SLC6A11: variants seen among roughly 807,000 people sequenced by gnomAD.
SLC6A11 encodes solute carrier family 6 member 11.
In SLC6A11, 25 loss-of-function variants were observed where a neutral mutation model predicts 74.8. The ratio of observed to expected loss-of-function variants is 0.33; its 90% confidence interval spans 0.24 to 0.47. SLC6A11 has a LOEUF of 0.47. Among genes scored for constraint, SLC6A11 ranks in the 20% least tolerant of loss-of-function variants. The probability of loss-of-function intolerance (pLI) is 1.00; values close to 1 mark genes in which losing one functional copy is unlikely to be tolerated. For missense variants in SLC6A11, 574 were observed against 837.0 expected (o/e 0.69, Z 3.88); for synonymous variants, 330 against 330.2 (o/e 1.00, Z 0.01).
intron 9 of SLC6A11, among the ~76,000 whole-genome samples, chr3:10,927,693 G>A (rs1377327824): frequency 1.3e-5 from 2 of 152,156 alleles, no homozygotes; most frequent in African/African-American, 4.8e-5. Context: ...GAGCAGCTGC[G>A]AGGCCATAGC....
intron 4 of SLC6A11, among the ~76,000 whole-genome samples, chr3:10,837,613 C>T (rs570535293): frequency 1.2e-4 from 18 of 152,252 alleles, no homozygotes; most frequent in African/African-American, 3.1e-4. Context: ...TTACATGTGG[C>T]GTGGTGAGCA....
intron 5 of SLC6A11, 142 bp downstream of exon 5, chr3:10,844,488 T>C: frequency 1.0e-6 from 1 of 969,302 alleles, no homozygotes; most frequent in Non-Finnish European, 1.6e-6. Context: ...CAGAGTGAGC[T>C]CTACCCACCC....
Position 10,926,710 on chromosome 3 carries a change from G to T in SLC6A11, c.1233+594G>T, listed in dbSNP as rs984770120. Reference sequence around the variant, plus strand: ...CCCTGGCGAAGGGGGTAGACCTGGAGCTAGTAACTCACCCATGCACTCGGT... The same window carrying T: ...CCCTGGCGAAGGGGGTAGACCTGGATCTAGTAACTCACCCATGCACTCGGT... On this transcript the variant is annotated intron_variant, in intron 9 of 13. Transcript: ENST00000254488. This position sits in a 1 kb window ranked among gnomAD's most constrained non-coding sequence, Gnocchi z 5.7. Among the ~76,000 whole-genome samples the T allele has an allele frequency of 1.4e-4, 22 of 152,130 alleles. No homozygotes were observed. The highest frequency in any genetic ancestry group is 5.1e-4 in the African/African-American group (21 of 41,410).
chr3:10,888,947 T>C (rs975781820), intron 6 of SLC6A11, among the ~76,000 whole-genome samples: 1 of 152,182 alleles, frequency 6.6e-6, no homozygotes, highest in Non-Finnish European at 1.5e-5. Flanking sequence ...TCCTGGGCAC[T>C]GTGGGAGTGG....
At chr3:10,897,292 T>C (rs113242288) in intron 6 of SLC6A11, among the ~76,000 whole-genome samples, 13,479 of 152,138 alleles carry the variant, frequency 0.089, 705 homozygotes, top group East Asian at 0.25. Flanking sequence ...AATCATGCCT[T>C]CCCAACAGTC....
chr3:10,929,553 C>T (rs1049092687), intron 10 of SLC6A11, among the ~76,000 whole-genome samples: 7 of 152,134 alleles, frequency 4.6e-5, no homozygotes, highest in Non-Finnish European at 7.4e-5. Flanking sequence ...AGCTAAAGGC[C>T]GCGGCTGTTA....
chr3:10,914,260 C>A (rs545517461), intron 7 of SLC6A11, among the ~76,000 whole-genome samples: 17 of 152,158 alleles, frequency 1.1e-4, no homozygotes, highest in Admixed American at 5.2e-4. Flanking sequence ...AGGGCCTTGA[C>A]TCTGACTGGG....
At chr3:10,829,600 C>T (rs1162507153) in intron 4 of SLC6A11, among the ~76,000 whole-genome samples, 2 of 152,214 alleles carry the variant, frequency 1.3e-5, no homozygotes, top group East Asian at 3.8e-4. Flanking sequence ...CCAGTTTAAG[C>T]AGCTGCCCCT....
At chr3:10,902,494 A>G (rs1295536901) in intron 6 of SLC6A11, among the ~76,000 whole-genome samples, 2 of 152,260 alleles carry the variant, frequency 1.3e-5, no homozygotes, top group South Asian at 2.1e-4. Flanking sequence ...ATCGTCAGCC[A>G]CCAAAAGAAA....
chr3:10,835,620 G>A (rs1460649202), intron 4 of SLC6A11, among the ~76,000 whole-genome samples: 1 of 152,166 alleles, frequency 6.6e-6, no homozygotes, highest in Admixed American at 6.5e-5. Flanking sequence ...CAGAGGGGCA[G>A]CGCAGGCATT....
chr3:10,897,150 C>G (rs181558792), intron 6 of SLC6A11, among the ~76,000 whole-genome samples: 1 of 152,196 alleles, frequency 6.6e-6, no homozygotes, highest in African/African-American at 2.4e-5. Flanking sequence ...TTACCTCCCA[C>G]CAGATCCCTC....
At chr3:10,838,089 A>G (rs1694389893) in intron 4 of SLC6A11, among the ~76,000 whole-genome samples, 1 of 152,202 alleles carries the variant, frequency 6.6e-6, no homozygotes, top group African/African-American at 2.4e-5. Flanking sequence ...GGTTAAAGAA[A>G]GGTGATCTGT....
chr3:10,892,961 T>G (rs1394608541), intron 6 of SLC6A11, among the ~76,000 whole-genome samples: 1 of 152,204 alleles, frequency 6.6e-6, no homozygotes, highest in Admixed American at 6.5e-5. Flanking sequence ...TACAGTTGAC[T>G]GACCCTTCCA....
At chr3:10,856,684 C>T (rs1270331191) in intron 5 of SLC6A11, among the ~76,000 whole-genome samples, 2 of 152,150 alleles carry the variant, frequency 1.3e-5, no homozygotes, top group Non-Finnish European at 2.9e-5. Flanking sequence ...AAACATTCAC[C>T]CACCCACCAG....
intron 6 of SLC6A11, among the ~76,000 whole-genome samples, chr3:10,898,959 G>A (rs945475342): frequency 6.6e-6 from 1 of 152,180 alleles, no homozygotes; most frequent in African/African-American, 2.4e-5. Context: ...GAAAATGAAA[G>A]GCATGTCTCA....
intron 4 of SLC6A11, among the ~76,000 whole-genome samples, chr3:10,839,609 C>G (rs1004152095): frequency 1.3e-5 from 2 of 152,196 alleles, no homozygotes; most frequent in African/African-American, 4.8e-5. Context: ...GTCGCAGGCC[C>G]CATCTTTCCC....
chr3:10,833,742 A>T (rs1694328834), intron 4 of SLC6A11, among the ~76,000 whole-genome samples: 1 of 152,192 alleles, frequency 6.6e-6, no homozygotes, highest in Non-Finnish European at 1.5e-5. Context: ...AATTGTTGTT[A>T]CAGCACTACT....
At chr3:10,848,834 AGGCATCTT>A (rs893188134) in intron 5 of SLC6A11, among the ~76,000 whole-genome samples, 5 of 152,204 alleles carry the variant, frequency 3.3e-5, no homozygotes, top group Non-Finnish European at 7.3e-5. Context: ...CAGAGTTGGG[AGGCATCTT>A]GGTTTTGAGG....
intron 7 of SLC6A11, among the ~76,000 whole-genome samples, chr3:10,916,018 C>T (rs1843278): frequency 0.16 from 24,263 of 152,184 alleles, 2,438 homozygotes; most frequent in South Asian, 0.23. Context: ...GGCTGGCATA[C>T]TGCAGGTCCT....
Sources: allele counts gnomAD v4.1 joint callset (sites outside exome capture counted in the v4.1 genomes callset), GRCh38; gene constraint gnomAD v4.1.1; non-coding constraint Gnocchi (gnomAD v3.1); transcripts MANE v1.5; gene names NCBI Gene and HGNC (gene_info 2026-07-23, HGNC 2026-07-21).